Variants in NXPH1 observed in about 807,000 individuals in gnomAD.
NXPH1 encodes the protein neurexophilin-1.
Under a neutral mutation model 23.7 loss-of-function variants are expected in NXPH1, and 5 were observed. The observed-to-expected ratio is 0.21, with a 90% CI of 0.11 to 0.44. The LOEUF is 0.44. Among genes scored for constraint, NXPH1 ranks in the 20% least tolerant of loss-of-function variants. The pLI, the probability that NXPH1 is intolerant of heterozygous loss-of-function variation, is 0.99. For missense variants in NXPH1, 324 were observed against 321.6 expected, an observed-to-expected ratio of 1.01 and a Z score of -0.06; for synonymous variants, 144 against 122.2, an observed-to-expected ratio of 1.18 and a Z score of -1.18.
intron 2 of NXPH1, among the ~76,000 whole-genome samples, chr7:8,610,627 G>A (rs80045896): frequency 0.062 from 9,400 of 152,080 alleles, 555 homozygotes; most frequent in East Asian, 0.17. Flanking sequence ...TAGATCCCCA[G>A]ATGATAACAG....
chr7:8,593,317 ATAT>A (rs1165689815), intron 2 of NXPH1, among the ~76,000 whole-genome samples: 3 of 151,982 alleles, frequency 2.0e-5, no homozygotes, highest in Admixed American at 6.6e-5. Context: ...CATAGCAATC[ATAT>A]TTATATTGCC....
intron 2 of NXPH1, among the ~76,000 whole-genome samples, chr7:8,671,586 C>G (rs1820869729): frequency 6.6e-6 from 1 of 152,068 alleles, no homozygotes; most frequent in South Asian, 2.1e-4. Context: ...GAAGCTCTTT[C>G]TACATGGGAG....
At chr7:8,655,604 G>GTA (rs1820569102) in intron 2 of NXPH1, among the ~76,000 whole-genome samples, 1 of 151,472 alleles carries the variant, frequency 6.6e-6, no homozygotes, top group Non-Finnish European at 1.5e-5. Context: ...ATGTTTATGT[G>GTA]TGTGTGATGG....
chr7:8,582,458 G>T (rs1235852382), intron 2 of NXPH1, among the ~76,000 whole-genome samples: 1 of 152,196 alleles, frequency 6.6e-6, no homozygotes, highest in African/African-American at 2.4e-5. Context: ...TAGCTCGCAG[G>T]AGACTTGGAG....
chr7:8,624,526 A>G (rs187624652), intron 2 of NXPH1, among the ~76,000 whole-genome samples: 1 of 152,246 alleles, frequency 6.6e-6, no homozygotes, highest in East Asian at 1.9e-4. Context: ...AGAAAAAGTG[A>G]GGAGAGCAAA....
intron 2 of NXPH1, among the ~76,000 whole-genome samples, chr7:8,716,922 A>G (rs79392604): frequency 6.6e-6 from 1 of 152,144 alleles, no homozygotes; most frequent in South Asian, 2.1e-4. Flanking sequence ...TCCCTAATGC[A>G]CAGTATCTAA....
intron 2 of NXPH1, among the ~76,000 whole-genome samples, chr7:8,486,845 C>G (rs1024149312): frequency 6.6e-6 from 1 of 152,086 alleles, no homozygotes; most frequent in South Asian, 2.1e-4. Context: ...TTAATCAGTT[C>G]TCAGATTAAA....
intron 2 of NXPH1, among the ~76,000 whole-genome samples, chr7:8,630,675 C>G (rs955976212): frequency 9.2e-5 from 14 of 152,078 alleles, no homozygotes; most frequent in African/African-American, 3.4e-4. Flanking sequence ...TCTCTTGTTG[C>G]CTTTGATACT....
At chr7:8,450,720 C>G (rs187077538) in intron 2 of NXPH1, among the ~76,000 whole-genome samples, 3 of 152,310 alleles carry the variant, frequency 2.0e-5, no homozygotes, top group African/African-American at 4.8e-5. Context: ...CATCTTTCAC[C>G]TTTATGTGGA....
chr7:8,624,406 C>A (rs921964860), intron 2 of NXPH1, among the ~76,000 whole-genome samples: 4 of 152,110 alleles, frequency 2.6e-5, no homozygotes, highest in African/African-American at 9.7e-5. Flanking sequence ...TAGTCAGACA[C>A]AGCAGATGGC....
At chr7:8,518,480 C>G (rs1584206728) in intron 2 of NXPH1, among the ~76,000 whole-genome samples, 2 of 152,162 alleles carry the variant, frequency 1.3e-5, no homozygotes, top group Middle Eastern at 6.8e-3. Context: ...TATTTCCTAG[C>G]TCCAAGTAGC....
At chr7:8,611,269 C>T (rs1363347753) in intron 2 of NXPH1, among the ~76,000 whole-genome samples, 1 of 152,112 alleles carries the variant, frequency 6.6e-6, no homozygotes, top group Non-Finnish European at 1.5e-5. Flanking sequence ...AAAATGTTCC[C>T]TTACCCCCAA....
chr7:8,583,457 A>G (rs6970999), intron 2 of NXPH1, among the ~76,000 whole-genome samples: 57,332 of 152,094 alleles, frequency 0.38, 13,074 homozygotes, highest in African/African-American at 0.65. Context: ...GTGAATTTTA[A>G]GTGAAGTAAG....
intron 2 of NXPH1, among the ~76,000 whole-genome samples, chr7:8,503,122 C>G (rs895453321): frequency 6.6e-6 from 1 of 152,036 alleles, no homozygotes. Context: ...GGGCCCCGAT[C>G]TATTTGTGCA....
At chr7:8,518,926 T>G (rs1166889722) in intron 2 of NXPH1, among the ~76,000 whole-genome samples, 1 of 152,168 alleles carries the variant, frequency 6.6e-6, no homozygotes, top group Non-Finnish European at 1.5e-5. Context: ...CTGTTCATTT[T>G]TTTTTTCTCC....
intron 2 of NXPH1, among the ~76,000 whole-genome samples, chr7:8,552,114 CAAAAAAAAAAAAAAA>C (rs34390317): frequency 4.9e-5 from 3 of 61,752 alleles, no homozygotes; most frequent in African/African-American, 2.1e-4. Flanking sequence ...GAAAAAAAAC[CAAAAAAAAAAAAAAA>C]AAAAAAAAAA....
chr7:8,521,197 TCA>T (rs1817764886), intron 2 of NXPH1, among the ~76,000 whole-genome samples: 2 of 152,168 alleles, frequency 1.3e-5, no homozygotes, highest in African/African-American at 4.8e-5. Flanking sequence ...TCTAGAGTGC[TCA>T]GACAAGTTAG....
At chr7:8,712,907 G>C (rs1364604203) in intron 2 of NXPH1, among the ~76,000 whole-genome samples, 1 of 151,874 alleles carries the variant, frequency 6.6e-6, no homozygotes, top group African/African-American at 2.4e-5. Flanking sequence ...GTCTTCTTTG[G>C]GTTAAATCTG....
Position 8,435,804 on chromosome 7 carries a change from C to T in NXPH1, c.54+37C>T, listed in dbSNP as rs1220153093. The T allele has an allele frequency of 1.2e-6, 2 of 1,605,564 alleles. No homozygotes were observed. Among genetic ancestry groups the T allele is most frequent in the East Asian group, 2.2e-5 (1 of 44,844 alleles). ...AAGGTTCGGGGCTTTCGCATTTTTA[C>T]CCCGGCCGGGAGGCAAGGAAACTGG... is the stretch of plus-strand genomic sequence containing the variant. On this transcript the variant is annotated intron_variant, in intron 2 of 2. Transcript: ENST00000405863. The surrounding 1 kb of genome is among the most constrained non-coding windows in gnomAD (Gnocchi z 5.9).
Sources: gnomAD v4.1 joint callset for allele counts (sites outside exome capture counted in the v4.1 genomes callset) on GRCh38, gnomAD v4.1.1 for gene constraint, Gnocchi (gnomAD v3.1) non-coding constraint, MANE v1.5 for transcripts, NCBI Gene and HGNC (gene_info 2026-07-23, HGNC 2026-07-21) for gene names.